Variants in NXPE4 observed in about 807,000 individuals in gnomAD.
The protein encoded by NXPE4 is neurexophilin and PC-esterase domain family member 4.
Under a neutral mutation model 33.3 loss-of-function variants are expected in NXPE4, and 42 were observed. That is an observed-to-expected ratio of 1.26 (90% CI 0.98 to 1.63). The LOEUF is 1.63. Ranked by LOEUF, NXPE4 falls within the 40% of genes most tolerant of loss-of-function variation. The probability of loss-of-function intolerance (pLI) is 0.00; values close to 1 mark genes in which losing one functional copy is unlikely to be tolerated. For synonymous variants in NXPE4, 253 were observed against 234.9 expected, an observed-to-expected ratio of 1.08 and a Z score of -0.71; for missense variants, 709 against 647.6, an observed-to-expected ratio of 1.09 and a Z score of -1.03.
chr11:114,647,705 AT>A, the NXPE4 span, among the ~76,000 whole-genome samples: 2,243 of 147,504 alleles, frequency 0.015, 27 homozygotes, highest in African/African-American at 0.042. Flanking sequence ...ATTTTATTTT[AT>A]TTTTTTTTTT....
chr11:114,608,290 T>C, the NXPE4 span, among the ~76,000 whole-genome samples: 1 of 149,504 alleles, frequency 6.7e-6, no homozygotes, highest in Non-Finnish European at 1.5e-5. Context: ...TACCCAGTAT[T>C]TAATAAGTGT....
the NXPE4 span, among the ~76,000 whole-genome samples, chr11:114,629,287 C>T: frequency 4.6e-4 from 70 of 152,072 alleles, no homozygotes; most frequent in Admixed American, 2.7e-3. Context: ...TACTGGCAAA[C>T]GGAATCCAGC....
chr11:114,577,408 A>C (rs1022611360), intron 5 of NXPE4, among the ~76,000 whole-genome samples: 1 of 152,018 alleles, frequency 6.6e-6, no homozygotes, highest in Admixed American at 6.6e-5. Context: ...GGAAAGGGTC[A>C]GCGTTGGCGA....
At chr11:114,629,818 CAA>C in the NXPE4 span, among the ~76,000 whole-genome samples, 3 of 150,720 alleles carry the variant, frequency 2.0e-5, no homozygotes, top group African/African-American at 7.3e-5. Context: ...GCAACTTCAG[CAA>C]AGTCTCAGGA....
At chr11:114,617,786 G>T in the NXPE4 span, among the ~76,000 whole-genome samples, 3 of 152,232 alleles carry the variant, frequency 2.0e-5, no homozygotes, top group African/African-American at 7.2e-5. Context: ...TGCCTTGTGG[G>T]TAAGCACGGT....
the NXPE4 span, among the ~76,000 whole-genome samples, chr11:114,645,770 C>T: frequency 1.3e-5 from 2 of 152,026 alleles, no homozygotes; most frequent in Admixed American, 1.3e-4. Flanking sequence ...TGAAAATATT[C>T]AATGTTACTA....
chr11:114,630,684 A>G, the NXPE4 span, among the ~76,000 whole-genome samples: 2 of 151,020 alleles, frequency 1.3e-5, no homozygotes, highest in Non-Finnish European at 1.5e-5. Flanking sequence ...GGATCTAATT[A>G]AACTAAAGAG....
At chr11:114,640,354 A>G in the NXPE4 span, among the ~76,000 whole-genome samples, 1 of 149,316 alleles carries the variant, frequency 6.7e-6, no homozygotes, top group Admixed American at 6.8e-5. Context: ...TAAATGTAGC[A>G]TATATATGCT....
At chr11:114,614,234 T>G in the NXPE4 span, among the ~76,000 whole-genome samples, 4 of 151,938 alleles carry the variant, frequency 2.6e-5, no homozygotes, top group African/African-American at 9.7e-5. Flanking sequence ...GCCTCGTGGG[T>G]AACCACTGTT....
the NXPE4 span, among the ~76,000 whole-genome samples, chr11:114,658,649 G>T: frequency 4.6e-5 from 7 of 152,118 alleles, no homozygotes; most frequent in Admixed American, 3.9e-4. Flanking sequence ...TTGGGAAAAT[G>T]GAAAAATAAT....
intron 1 of NXPE4, 49 bp downstream of exon 1, chr11:114,595,543 A>C (rs1428929060): frequency 1.3e-5 from 2 of 152,292 alleles, no homozygotes; most frequent in Non-Finnish European, 2.9e-5. Flanking sequence ...CCCAAAAATA[A>C]ATGTCACACC....
chr11:114,622,790 G>A, the NXPE4 span, among the ~76,000 whole-genome samples: 1 of 152,114 alleles, frequency 6.6e-6, no homozygotes, highest in Non-Finnish European at 1.5e-5. Flanking sequence ...GCTGCCTTGT[G>A]GATAATTAGT....
chr11:114,578,328 A>C (rs1056269247), intron 5 of NXPE4, among the ~76,000 whole-genome samples: 2 of 152,214 alleles, frequency 1.3e-5, no homozygotes, highest in African/African-American at 4.8e-5. Context: ...AACACAATGT[A>C]CAACAGTTGT....
chr11:114,628,553 C>G, the NXPE4 span, among the ~76,000 whole-genome samples: 1 of 150,494 alleles, frequency 6.6e-6, no homozygotes, highest in Non-Finnish European at 1.5e-5. Flanking sequence ...CACTAAATGC[C>G]CACAAGAGAA....
chr11:114,590,051 G>T (rs1416980096), intron 2 of NXPE4, among the ~76,000 whole-genome samples: 8 of 152,118 alleles, frequency 5.3e-5, no homozygotes, highest in Admixed American at 5.2e-4. Context: ...GAATGCTTCT[G>T]GCCAAACTGC....
the NXPE4 span, among the ~76,000 whole-genome samples, chr11:114,666,647 G>GT: frequency 3.3e-5 from 5 of 151,906 alleles, no homozygotes; most frequent in African/African-American, 1.2e-4. Flanking sequence ...TAGTACTTTG[G>GT]TTTTTTTATC....
At chr11:114,654,980 C>G in the NXPE4 span, among the ~76,000 whole-genome samples, 1 of 152,128 alleles carries the variant, frequency 6.6e-6, no homozygotes. Context: ...TTGCCAGCAC[C>G]TATTGTTTCC....
the NXPE4 span, among the ~76,000 whole-genome samples, chr11:114,617,697 C>T: frequency 3.3e-5 from 5 of 152,112 alleles, no homozygotes; most frequent in Non-Finnish European, 7.4e-5. Context: ...AGTACTGCCT[C>T]GTGGGTAACC....
intron 2 of NXPE4, among the ~76,000 whole-genome samples, chr11:114,591,888 T>G (rs1380598229): frequency 6.6e-6 from 1 of 152,170 alleles, no homozygotes; most frequent in Non-Finnish European, 1.5e-5. Flanking sequence ...CCTAATTTTT[T>G]GAAAGTCCAT....
Sources: allele counts gnomAD v4.1 joint callset (sites outside exome capture counted in the v4.1 genomes callset), GRCh38; gene constraint gnomAD v4.1.1; transcripts MANE v1.5; gene names NCBI Gene and HGNC (gene_info 2026-07-23, HGNC 2026-07-21).